The following GLIS3 variants were observed in gnomAD, a reference collection of about 807,000 sequenced individuals.
GLIS3 encodes GLIS family zinc finger 3, also known as zinc finger protein GLIS3.
In GLIS3, 53 loss-of-function variants were observed where a neutral mutation model predicts 78.6. The ratio of observed to expected loss-of-function variants is 0.67; its 90% CI spans 0.54 to 0.85. The LOEUF is 0.85. Ranked by LOEUF, GLIS3 falls within the 40% of genes least tolerant of loss-of-function variation. GLIS3 has a pLI of 0.00. For synonymous variants in GLIS3, 684 were observed against 509.9 expected (o/e 1.34, Z -4.60); for missense variants, 1,703 against 1,231.1 (o/e 1.38, Z -5.74).
At chr9:4,133,460 G>C (rs907865780) in intron 2 of GLIS3, among the ~76,000 whole-genome samples, 6 of 152,194 alleles carry the variant, frequency 3.9e-5, no homozygotes, top group Admixed American at 1.3e-4. Context: ...AGACAGAAAA[G>C]TGGAAAAGAT....
chr9:4,211,560 C>G (rs1204887767), intron 2 of GLIS3, among the ~76,000 whole-genome samples: 1 of 152,200 alleles, frequency 6.6e-6, no homozygotes, highest in Non-Finnish European at 1.5e-5. Flanking sequence ...TAAGGGCTGC[C>G]GCATGCATTC....
intron 2 of GLIS3, among the ~76,000 whole-genome samples, chr9:4,202,347 T>G (rs895415625): frequency 2.0e-5 from 3 of 151,078 alleles, no homozygotes; most frequent in African/African-American, 7.3e-5. Flanking sequence ...GAGACAGGGT[T>G]TCACCATGTT....
At chr9:4,353,451 A>G in the GLIS3 span, among the ~76,000 whole-genome samples, 1 of 152,196 alleles carries the variant, frequency 6.6e-6, no homozygotes, top group Non-Finnish European at 1.5e-5. Flanking sequence ...TCAGGATTCC[A>G]AAGTTCAGGG....
At chr9:4,401,610 C>G in the GLIS3 span, among the ~76,000 whole-genome samples, 9 of 150,870 alleles carry the variant, frequency 6.0e-5, no homozygotes, top group Non-Finnish European at 1.2e-4. Flanking sequence ...CTCTGTCGCC[C>G]AGGCTGGAGT....
intron 2 of GLIS3, among the ~76,000 whole-genome samples, chr9:4,173,848 A>G (rs1816589733): frequency 6.6e-6 from 1 of 151,828 alleles, no homozygotes; most frequent in Non-Finnish European, 1.5e-5. Context: ...CTTTTCTTCA[A>G]ATGATTTATG....
At chr9:4,197,298 G>C (rs1471665658) in intron 2 of GLIS3, among the ~76,000 whole-genome samples, 2 of 152,204 alleles carry the variant, frequency 1.3e-5, no homozygotes, top group Non-Finnish European at 2.9e-5. Context: ...CACATCTCCA[G>C]ACATTTGGAG....
intron 4 of GLIS3, among the ~76,000 whole-genome samples, chr9:4,114,960 A>G (rs571102740): frequency 6.6e-6 from 1 of 152,198 alleles, no homozygotes; most frequent in Non-Finnish European, 1.5e-5. Context: ...CAGGGTTCTG[A>G]TAAGTCCAGG....
intron 2 of GLIS3, among the ~76,000 whole-genome samples, chr9:4,333,204 A>T (rs1372962755): frequency 1.5e-5 from 2 of 137,904 alleles, no homozygotes; most frequent in African/African-American, 5.3e-5. Context: ...CAACACAGTG[A>T]GACAAGAATG....
intron 2 of GLIS3, among the ~76,000 whole-genome samples, chr9:4,181,080 C>T (rs1000163097): frequency 6.6e-6 from 1 of 152,344 alleles, no homozygotes; most frequent in Non-Finnish European, 1.5e-5. Flanking sequence ...GTCATTCGTA[C>T]TCTAAGATGA....
At chr9:4,248,335 G>A (rs914826637) in intron 2 of GLIS3, among the ~76,000 whole-genome samples, 1 of 151,964 alleles carries the variant, frequency 6.6e-6, no homozygotes, top group Non-Finnish European at 1.5e-5. Flanking sequence ...GACAACATGT[G>A]GTATTGGGTT....
At chr9:4,141,260 C>T (rs931592858) in intron 2 of GLIS3, among the ~76,000 whole-genome samples, 4 of 152,168 alleles carry the variant, frequency 2.6e-5, no homozygotes, top group African/African-American at 9.6e-5. Context: ...GGAAGAACAA[C>T]AGTTTGATGG....
the GLIS3 span, among the ~76,000 whole-genome samples, chr9:4,471,964 T>C: frequency 8.5e-5 from 13 of 152,124 alleles, no homozygotes; most frequent in East Asian, 1.3e-3. Flanking sequence ...ACAGACACTT[T>C]TCAAAAGAAG....
intron 9 of GLIS3, among the ~76,000 whole-genome samples, chr9:3,839,815 G>C (rs1363591859): frequency 6.6e-6 from 1 of 152,164 alleles, no homozygotes; most frequent in Non-Finnish European, 1.5e-5. Flanking sequence ...CAACATTTTG[G>C]AAAGTGCAGA....
In GLIS3 at chr9:3,898,730, C is replaced by G; in HGVS notation, c.2089G>C (p.Val697Leu). ...GGCCCGGGTCCAGGGGAGCGTCCCA[C>G]GGTCCCTTCAGCAGCAGCATCTCTA... ...SPRDAAAEGT[V>L]GRSPGPGPDL... The change falls in exon 7 of 11, where the codon GTG becomes CTG. Residue 697 changes from valine to leucine, a missense_variant. Val to Leu is a conservative substitution (Grantham distance 32). Coordinates refer to ENST00000381971, the MANE Select transcript of GLIS3 (RefSeq NM_001042413.2). The G allele has an allele frequency of 6.2e-7, 1 of 1,614,140 alleles. No individual in the cohort carries two copies. Among genetic ancestry groups the G allele is most frequent in the South Asian group, 1.1e-5 (1 of 91,078 alleles).
intron 4 of GLIS3, among the ~76,000 whole-genome samples, chr9:4,101,155 A>T (rs1044295588): frequency 6.6e-6 from 1 of 152,220 alleles, no homozygotes; most frequent in Non-Finnish European, 1.5e-5. Flanking sequence ...ACCTTACATA[A>T]AATCACTTGA....
chr9:4,397,965 T>A, the GLIS3 span, among the ~76,000 whole-genome samples: 1 of 151,986 alleles, frequency 6.6e-6, no homozygotes, highest in East Asian at 1.9e-4. Flanking sequence ...CTGTTCCCCG[T>A]CTCCTACAGA....
chr9:4,107,459 C>G (rs889359502), intron 4 of GLIS3, among the ~76,000 whole-genome samples: 4 of 152,098 alleles, frequency 2.6e-5, no homozygotes, highest in African/African-American at 9.7e-5. Flanking sequence ...ACCCTAGACT[C>G]AGATTGCAGA....
At chr9:4,102,969 G>C (rs541904279) in intron 4 of GLIS3, among the ~76,000 whole-genome samples, 1 of 151,728 alleles carries the variant, frequency 6.6e-6, no homozygotes, top group Non-Finnish European at 1.5e-5. Flanking sequence ...AAAAATACAT[G>C]TAAAATGAAA....
At chr9:3,886,325 C>G (rs1294984291) in intron 7 of GLIS3, among the ~76,000 whole-genome samples, 1 of 151,996 alleles carries the variant, frequency 6.6e-6, no homozygotes, top group Non-Finnish European at 1.5e-5. Flanking sequence ...TGAAAGAATC[C>G]TCAAGGGTTA....
Sources: gnomAD v4.1 joint callset for allele counts (sites outside exome capture counted in the v4.1 genomes callset) on GRCh38, gnomAD v4.1.1 for gene constraint, MANE v1.5 for transcripts, NCBI Gene and HGNC (gene_info 2026-07-23, HGNC 2026-07-21) for gene names.